CAMTA1: variants seen among roughly 807,000 people sequenced by gnomAD.
The protein encoded by CAMTA1 is calmodulin-binding transcription activator 1.
A neutral mutation model predicts 170.9 loss-of-function variants in CAMTA1; 27 were observed. That is an observed-to-expected ratio of 0.16 (90% CI 0.12 to 0.22). The LOEUF (loss-of-function observed/expected upper bound fraction) is 0.22. Among genes scored for constraint, CAMTA1 ranks in the 10% least tolerant of loss-of-function variants. CAMTA1 has a pLI of 1.00. For missense variants in CAMTA1, 1,619 were observed against 2,217.2 expected (o/e 0.73, Z 5.42); for synonymous variants, 833 against 891.5 (o/e 0.93, Z 1.17).
In CAMTA1 at chr1:7,768,169, C is replaced by T. The variant is rs2097034755; in HGVS notation, c.*1678C>T. Reference sequence around the variant, plus strand: ...AATAGTATGAAAAGTAGAAAAATGTCACGTTTCCATATCTCCTGCTGGAAA... The same window carrying T: ...AATAGTATGAAAAGTAGAAAAATGTTACGTTTCCATATCTCCTGCTGGAAA... On this transcript the variant is annotated 3_prime_UTR_variant, in exon 23 of 23. Transcript: ENST00000303635. The T allele has an allele frequency of 6.8e-6, 1 of 147,958 alleles. No homozygotes were observed. The highest frequency in any genetic ancestry group is 1.5e-5 in the Non-Finnish European group (1 of 67,248). 9.2% of individuals were successfully genotyped at this position (147,958 alleles called of 1,614,324 possible). A position where few individuals can be genotyped will look rare whatever the true frequency, so the allele number is the denominator to read the frequency against.
In CAMTA1 at chr1:7,064,092, T is replaced by TCTCCTCCTTCTCTCCTTCCCTCCTC. The variant is rs1248481155; in HGVS notation, c.235-27206_235-27182dup. 6.7e-6 allele frequency among the ~76,000 whole-genome samples: 1 copy of TCTCCTCCTTCTCTCCTTCCCTCCTC among 150,348 alleles called. No individual in the cohort carries two copies. Among genetic ancestry groups the TCTCCTCCTTCTCTCCTTCCCTCCTC allele is most frequent in the Non-Finnish European group, 1.5e-5 (1 of 67,508 alleles). On this transcript the variant is annotated intron_variant, in intron 3 of 22. Transcript: ENST00000303635. This position sits in a 1 kb window ranked among gnomAD's most constrained non-coding sequence, Gnocchi z 5.4. Reference sequence around the variant, plus strand: ...TTCTCCTCCTCCTCCTCCTCCTTCTTCTCCTCCTTCTCTCCTTCCCTCCTC... The same window carrying TCTCCTCCTTCTCTCCTTCCCTCCTC: ...TTCTCCTCCTCCTCCTCCTCCTTCTTCTCCTCCTTCTCTCCTTCCCTCCTCCTCCTCCTTCTCTCCTTCCCTCCTC...
In CAMTA1 at chr1:7,249,755, GT is replaced by G. The variant is rs951732259; in HGVS notation, c.438+134del. On this transcript the variant is annotated intron_variant, in intron 5 of 22. Coordinates refer to ENST00000303635, the MANE Select transcript of CAMTA1 (RefSeq NM_015215.4). This position sits in a 1 kb window ranked among gnomAD's most constrained non-coding sequence, Gnocchi z 4.4. ...AGAATTTTTGTTTGCCAAGACCCTG[GT>G]TTTTGCTTTTGTTTCGTTTTTCTAC... 9.6e-5 allele frequency: 109 copies of G among 1,129,558 alleles called. No individual in the cohort carries two copies. The African/African-American group carries it at 1.5e-3, about 16-fold the overall frequency. The allele number at this position is 1,129,558 out of a possible 1,614,324, so 70.0% of individuals were successfully genotyped here. A position where few individuals can be genotyped will look rare whatever the true frequency, so the allele number is the denominator to read the frequency against.
chr1:7,577,523 C>T (rs1028373593), intron 6 of CAMTA1, among the ~76,000 whole-genome samples: 1 of 151,946 alleles, frequency 6.6e-6, no homozygotes, highest in Non-Finnish European at 1.5e-5. Context: ...CATCTAGACA[C>T]GTGCCCAGGG....
chr1:7,688,799 A>T (rs1576889455), intron 11 of CAMTA1, among the ~76,000 whole-genome samples: 1 of 152,176 alleles, frequency 6.6e-6, no homozygotes, highest in African/African-American at 2.4e-5. Flanking sequence ...CATCTGTGAC[A>T]CCAGGACATT....
chr1:7,701,634 G>A (rs2096441398), intron 11 of CAMTA1, among the ~76,000 whole-genome samples: 1 of 151,848 alleles, frequency 6.6e-6, no homozygotes, highest in African/African-American at 2.4e-5. Context: ...TGCCCAGGCT[G>A]GTCTCGAACT....
chr1:6,910,088 T>C (rs1210212446), intron 3 of CAMTA1, among the ~76,000 whole-genome samples: 2 of 152,242 alleles, frequency 1.3e-5, no homozygotes, highest in Non-Finnish European at 2.9e-5. Context: ...TATCTATATA[T>C]TGACTAGGTG....
At chr1:6,786,295 C>G (rs559659562) in intron 1 of CAMTA1, among the ~76,000 whole-genome samples, 2 of 152,220 alleles carry the variant, frequency 1.3e-5, no homozygotes, top group South Asian at 2.1e-4. Flanking sequence ...GCATCCCCGC[C>G]CCTCGCAGTC....
chr1:7,177,468 A>G (rs1651113085), intron 4 of CAMTA1, among the ~76,000 whole-genome samples: 1 of 130,192 alleles, frequency 7.7e-6, no homozygotes, highest in African/African-American at 2.8e-5. Context: ...CCACACCCTG[A>G]GGCCCCCCCA....
chr1:6,971,738 C>T lies in CAMTA1; in HGVS notation c.235-119566C>T, dbSNP rs571596633. Reference sequence around the variant, plus strand: ...TTAGGTAAGTGATTGGTGTGGATTCCTGCTCTCCGAAGGAAAAAGGAAAGA... The same window carrying T: ...TTAGGTAAGTGATTGGTGTGGATTCTTGCTCTCCGAAGGAAAAAGGAAAGA... On this transcript the variant is annotated intron_variant, in intron 3 of 22. Transcript: ENST00000303635. The surrounding 1 kb of genome is among the most constrained non-coding windows in gnomAD (Gnocchi z 4.6). 6.6e-6 allele frequency among the ~76,000 whole-genome samples: 1 copy of T among 152,302 alleles called. No individual in the cohort carries two copies. The highest frequency in any genetic ancestry group is 6.5e-5 in the Admixed American group (1 of 15,302).
intron 7 of CAMTA1, among the ~76,000 whole-genome samples, chr1:7,652,899 G>C (rs529048123): frequency 6.6e-6 from 1 of 152,188 alleles, no homozygotes; most frequent in Non-Finnish European, 1.5e-5. Context: ...CGCACCTGCT[G>C]TGTGACCTTG....
At position 6,830,851 on chromosome 1, in the gene CAMTA1, C is replaced by T. The variant is rs1435090952; in HGVS notation, c.234+5641C>T. On this transcript the variant is annotated intron_variant, in intron 3 of 22. Coordinates refer to ENST00000303635, the MANE Select transcript of CAMTA1 (RefSeq NM_015215.4). The stretch of plus-strand genomic sequence containing the variant: ...TTTGTTTTTTTGAGATGGAGTCTCA[C>T]TCTGTCGCCCAGGCTGGAGTGCAGT... 2.6e-5 allele frequency among the ~76,000 whole-genome samples: 4 copies of T among 152,112 alleles called. No homozygotes were observed. In the East Asian group the frequency reaches 7.7e-4, roughly 29 times the overall value.
At chr1:7,061,401 C>T (rs113954384) in intron 3 of CAMTA1, among the ~76,000 whole-genome samples, 3 of 152,202 alleles carry the variant, frequency 2.0e-5, no homozygotes, top group East Asian at 1.9e-4. Context: ...GGGTGTCACC[C>T]GAGCTTCCAG....
intron 3 of CAMTA1, among the ~76,000 whole-genome samples, chr1:6,946,273 G>T (rs999441198): frequency 6.6e-6 from 1 of 150,986 alleles, no homozygotes; most frequent in Non-Finnish European, 1.5e-5. Context: ...GCTCACTACA[G>T]CCTAAATACC....
chr1:7,251,062 C>T lies in CAMTA1; in HGVS notation c.438+1436C>T, dbSNP rs188721679. ...AAGGCTGGGTGGGGCCCCCGAACAA[C>T]GAGGCTGCTCGCACCGGGAGTAATA... is the stretch of plus-strand genomic sequence containing the variant. On this transcript the variant is annotated intron_variant, in intron 5 of 22. Coordinates refer to ENST00000303635, the MANE Select transcript of CAMTA1 (RefSeq NM_015215.4). This position sits in a 1 kb window ranked among gnomAD's most constrained non-coding sequence, Gnocchi z 5.1. 5.9e-5 allele frequency among the ~76,000 whole-genome samples: 9 copies of T among 152,266 alleles called. No homozygotes were observed. The highest frequency in any genetic ancestry group is 1.3e-4 in the Admixed American group (2 of 15,294).
chr1:7,478,010 A>G (rs1275249542), intron 6 of CAMTA1, among the ~76,000 whole-genome samples: 1 of 152,202 alleles, frequency 6.6e-6, no homozygotes, highest in Non-Finnish European at 1.5e-5. Flanking sequence ...TTTGAACCTT[A>G]TTTCCTTTTT....
In CAMTA1 at chr1:7,471,997, G is replaced by A. The variant is rs2093340831; in HGVS notation, c.510+4096G>A. Among the ~76,000 whole-genome samples, 2 of 152,200 alleles carry A rather than the reference G, an allele frequency of 1.3e-5. 1 individual carries two copies. The highest frequency in any genetic ancestry group is 4.1e-4 in the South Asian group (2 of 4,828). Reference sequence around the variant, plus strand: ...CTGCTTCTAATGAGTGTTTTCCTTTGTGCCCTTGTCCTCTAAAATGCTTAA... The same window carrying A: ...CTGCTTCTAATGAGTGTTTTCCTTTATGCCCTTGTCCTCTAAAATGCTTAA... On this transcript the variant is annotated intron_variant, in intron 6 of 22. Coordinates refer to ENST00000303635, the MANE Select transcript of CAMTA1 (RefSeq NM_015215.4).
intron 6 of CAMTA1, among the ~76,000 whole-genome samples, chr1:7,499,485 TAG>T (rs1178532174): frequency 3.8e-5 from 5 of 133,058 alleles, no homozygotes; most frequent in African/African-American, 8.9e-5. Flanking sequence ...CATGAGTGTG[TAG>T]AGAGGATTGT....
intron 6 of CAMTA1, among the ~76,000 whole-genome samples, chr1:7,566,388 G>A (rs902029490): frequency 6.6e-6 from 1 of 152,188 alleles, no homozygotes; most frequent in African/African-American, 2.4e-5. Context: ...GGCTGGTTTT[G>A]TTACTCGTAA....
chr1:7,309,606 T>G (rs1223114762), intron 5 of CAMTA1, among the ~76,000 whole-genome samples: 9 of 152,008 alleles, frequency 5.9e-5, no homozygotes, highest in Non-Finnish European at 1.2e-4. Flanking sequence ...GCCTGAAAAC[T>G]TTTATTCCTT....
Sources: allele counts gnomAD v4.1 joint callset (sites outside exome capture counted in the v4.1 genomes callset), GRCh38; gene constraint gnomAD v4.1.1; non-coding constraint Gnocchi (gnomAD v3.1); transcripts MANE v1.5; gene names NCBI Gene and HGNC (gene_info 2026-07-23, HGNC 2026-07-21).